The following CRPPA variants were observed in gnomAD, a reference collection of about 807,000 sequenced individuals.
The protein encoded by CRPPA is CDP-L-ribitol pyrophosphorylase A.
In CRPPA, 43 loss-of-function variants were observed where a neutral mutation model predicts 52.0. The observed-to-expected ratio is 0.83, with a 90% CI of 0.65 to 1.07. CRPPA has a LOEUF of 1.07. Ranked by LOEUF, CRPPA falls within the 50% of genes least tolerant of loss-of-function variation. CRPPA has a pLI of 0.00. For missense variants in CRPPA, 629 were observed against 551.7 expected (o/e 1.14, Z -1.40); for synonymous variants, 250 against 203.5 (o/e 1.23, Z -1.94).
chr7:16,104,983 G>A (rs911515499), intron 9 of CRPPA, among the ~76,000 whole-genome samples: 2 of 151,708 alleles, frequency 1.3e-5, no homozygotes, highest in Admixed American at 1.3e-4. Context: ...TATATACATA[G>A]AAGACAGACT....
chr7:16,417,395 G>A (rs1788219491), intron 1 of CRPPA, among the ~76,000 whole-genome samples: 1 of 152,188 alleles, frequency 6.6e-6, no homozygotes, highest in Admixed American at 6.5e-5. Context: ...CAACCTAGGT[G>A]CCCATCAATG....
At chr7:16,342,868 G>GAT (rs1323919810) in intron 3 of CRPPA, among the ~76,000 whole-genome samples, 1 of 80,530 alleles carries the variant, frequency 1.2e-5, no homozygotes, top group East Asian at 3.0e-4. Context: ...GATATATAGA[G>GAT]ATATATATAC....
At chr7:16,334,439 T>C (rs1418726151) in intron 3 of CRPPA, among the ~76,000 whole-genome samples, 1 of 152,136 alleles carries the variant, frequency 6.6e-6, no homozygotes, top group Non-Finnish European at 1.5e-5. Flanking sequence ...TACTCCAAAC[T>C]TCAGTGCTCT....
intron 3 of CRPPA, among the ~76,000 whole-genome samples, chr7:16,344,115 C>G (rs1785940452): frequency 6.6e-6 from 1 of 152,062 alleles, no homozygotes; most frequent in South Asian, 2.1e-4. Context: ...GAGAGGAGAT[C>G]TGATTTTTAA....
At chr7:16,173,618 T>C (rs1411337692) in intron 9 of CRPPA, among the ~76,000 whole-genome samples, 9 of 152,178 alleles carry the variant, frequency 5.9e-5, no homozygotes, top group African/African-American at 2.2e-4. Flanking sequence ...TAAGAATCAA[T>C]GGTACTCTAA....
Position 16,132,699 on chromosome 7 carries a change from A to T in CRPPA, c.1252-40900T>A, listed in dbSNP as rs919288083. ...TTTTTAAAAAGGAAATTTACTGAAA[A>T]TTTTTTTGGAGATTTGCAACAACTT... On this transcript the variant is annotated intron_variant, in intron 9 of 9. Transcript: ENST00000407010. Among the ~76,000 whole-genome samples, 9 of 124,750 alleles carry T rather than the reference A, an allele frequency of 7.2e-5. 2 individuals are homozygous for T. Among genetic ancestry groups the T allele is most frequent in the Admixed American group, 1.6e-4 (2 of 12,390 alleles). 81.8% of individuals were successfully genotyped at this position (124,750 alleles called of 152,430 possible).
At chr7:16,104,017 T>C (rs1782100486) in intron 9 of CRPPA, among the ~76,000 whole-genome samples, 1 of 152,180 alleles carries the variant, frequency 6.6e-6, no homozygotes, top group Admixed American at 6.5e-5. Flanking sequence ...AAAAGGATCA[T>C]TTAAAGGATA....
At chr7:16,385,682 C>G (rs991619267) in intron 2 of CRPPA, among the ~76,000 whole-genome samples, 1 of 152,104 alleles carries the variant, frequency 6.6e-6, no homozygotes, top group South Asian at 2.1e-4. Context: ...ACAAAGTGTA[C>G]CAGTAAAGAT....
In CRPPA at chr7:16,158,192, A is replaced by G. The variant is rs185585182; in HGVS notation, c.1251+57874T>C. Among the ~76,000 whole-genome samples the G allele has an allele frequency of 5.1e-3, 776 of 152,082 alleles. 8 individuals are homozygous for G. Among genetic ancestry groups the G allele is most frequent in the African/African-American group, 0.018 (730 of 41,498 alleles). ...AGCCACCGTGCCTGGCCAAATGTAG[A>G]TATTTCTGTTCATTCTTTACATCCC... is the stretch of plus-strand genomic sequence containing the variant. On this transcript the variant is annotated intron_variant, in intron 9 of 9. Transcript: ENST00000407010.
chr7:16,238,732 GTTAAAACC>G (rs1486537499), intron 8 of CRPPA, among the ~76,000 whole-genome samples: 1 of 151,876 alleles, frequency 6.6e-6, no homozygotes, highest in African/African-American at 2.4e-5. Context: ...TAACATGACT[GTTAAAACC>G]TAAATTATTC....
intron 3 of CRPPA, among the ~76,000 whole-genome samples, chr7:16,316,668 C>G (rs1785151043): frequency 6.6e-6 from 1 of 151,970 alleles, no homozygotes; most frequent in African/African-American, 2.4e-5. Flanking sequence ...TCAAGACCAG[C>G]CTGGGCAACA....
chr7:16,205,702 C>A (rs1781959175), intron 9 of CRPPA, among the ~76,000 whole-genome samples: 1 of 151,798 alleles, frequency 6.6e-6, no homozygotes, highest in Admixed American at 6.6e-5. Context: ...TGAGCAACTT[C>A]TTATCTAGGG....
chr7:16,396,314 A>G (rs10254133), intron 2 of CRPPA, among the ~76,000 whole-genome samples: 4,405 of 152,286 alleles, frequency 0.029, 229 homozygotes, highest in African/African-American at 0.099. Flanking sequence ...CCAAATACAG[A>G]GTTCAAAAAT....
At chr7:16,247,591 T>C (rs751177406) in intron 8 of CRPPA, among the ~76,000 whole-genome samples, 12 of 152,096 alleles carry the variant, frequency 7.9e-5, no homozygotes, top group Non-Finnish European at 1.5e-4. Flanking sequence ...CAGTTTAAAA[T>C]ATTGTGAGAA....
At chr7:16,109,397 G>A (rs1238760177) in intron 9 of CRPPA, among the ~76,000 whole-genome samples, 1 of 151,788 alleles carries the variant, frequency 6.6e-6, no homozygotes, top group African/African-American at 2.4e-5. Flanking sequence ...TAACAAGTAA[G>A]GAGAGTGAAT....
intron 9 of CRPPA, among the ~76,000 whole-genome samples, chr7:16,156,816 A>T (rs17169291): frequency 6.6e-6 from 1 of 152,154 alleles, no homozygotes; most frequent in African/African-American, 2.4e-5. Context: ...TTGTTGTGGA[A>T]AAGTATTTGC....
intron 2 of CRPPA, among the ~76,000 whole-genome samples, chr7:16,387,526 A>T (rs1787318794): frequency 6.7e-6 from 1 of 150,078 alleles, no homozygotes; most frequent in Non-Finnish European, 1.5e-5. Context: ...TTATATATTA[A>T]AACGAATGGA....
intron 5 of CRPPA, among the ~76,000 whole-genome samples, chr7:16,286,071 AT>A (rs1562608560): frequency 0.012 from 393 of 31,930 alleles, 24 homozygotes; most frequent in Non-Finnish European, 0.019. Flanking sequence ...ATATATATAT[AT>A]ATATATATAA....
intron 9 of CRPPA, among the ~76,000 whole-genome samples, chr7:16,128,349 C>G (rs1243056238): frequency 1.3e-5 from 2 of 152,080 alleles, no homozygotes; most frequent in Non-Finnish European, 2.9e-5. Context: ...AAAAATTCAT[C>G]TCAACCTCCC....
Sources: gnomAD v4.1 joint callset for allele counts (sites outside exome capture counted in the v4.1 genomes callset) on GRCh38, gnomAD v4.1.1 for gene constraint, MANE v1.5 for transcripts, NCBI Gene and HGNC (gene_info 2026-07-23, HGNC 2026-07-21) for gene names.